Variants in GFRAL observed in about 807,000 individuals in gnomAD.
GFRAL encodes the protein GDNF family receptor alpha like.
In GFRAL, 36 loss-of-function variants were observed where a neutral mutation model predicts 45.4. The observed-to-expected ratio is 0.79, with a 90% CI of 0.61 to 1.05. GFRAL has a LOEUF of 1.05. Among genes scored for constraint, GFRAL ranks in the 50% least tolerant of loss-of-function variants. The pLI, the probability that GFRAL is intolerant of heterozygous loss-of-function variation, is 0.00. For synonymous variants in GFRAL, 166 were observed against 154.1 expected, an observed-to-expected ratio of 1.08 and a Z score of -0.57; for missense variants, 507 against 467.5, an observed-to-expected ratio of 1.08 and a Z score of -0.78.
intron 3 of GFRAL, among the ~76,000 whole-genome samples, chr6:55,340,466 T>C (rs1298800283): frequency 1.3e-5 from 2 of 152,192 alleles, no homozygotes; most frequent in Admixed American, 6.5e-5. Flanking sequence ...TATCCATTAA[T>C]AAAATATTTA....
intron 6 of GFRAL, among the ~76,000 whole-genome samples, chr6:55,373,692 A>T (rs1400133548): frequency 1.3e-5 from 2 of 152,160 alleles, no homozygotes; most frequent in Non-Finnish European, 2.9e-5. Flanking sequence ...CAATTTATTT[A>T]ACTTAGAAAT....
intron 3 of GFRAL, 115 bp from the exon 4 acceptor site, chr6:55,349,977 T>C (rs1768094463): frequency 2.9e-6 from 2 of 693,526 alleles, no homozygotes; most frequent in Admixed American, 4.3e-5. Context: ...TAACCTTGTA[T>C]GTACTTTTGC....
At chr6:55,396,876 C>CT (rs369457794) in intron 6 of GFRAL, among the ~76,000 whole-genome samples, 4,675 of 127,810 alleles carry the variant, frequency 0.037, 131 homozygotes, top group African/African-American at 0.07. Flanking sequence ...AAGGGGGAAG[C>CT]TTTTTTTTTT....
chr6:55,363,887 G>T (rs867628643), intron 6 of GFRAL, among the ~76,000 whole-genome samples: 2 of 151,052 alleles, frequency 1.3e-5, no homozygotes, highest in Non-Finnish European at 2.9e-5. Context: ...GAATAATGTC[G>T]CAATAAACAT....
chr6:55,329,859 AG>A lies in GFRAL; in HGVS notation c.23-1855del, dbSNP rs374657832. On this transcript the variant is annotated intron_variant, in intron 1 of 8. Coordinates refer to ENST00000340465, the MANE Select transcript of GFRAL (RefSeq NM_207410.2). Reference sequence around the variant, plus strand: ...CAAAGAGGTAAGATTTAAAAAAAAAAGAGAGATTTCAAGCCCTTACTTGAAG... The same window carrying A: ...CAAAGAGGTAAGATTTAAAAAAAAAAAGAGATTTCAAGCCCTTACTTGAAG... Among the ~76,000 whole-genome samples the A allele has an allele frequency of 2.8e-4, 42 of 152,124 alleles. 1 individual carries two copies. The South Asian group carries it at 4.4e-3, about 16-fold the overall frequency.
intron 3 of GFRAL, among the ~76,000 whole-genome samples, chr6:55,344,304 A>T (rs994758527): frequency 6.6e-6 from 1 of 152,182 alleles, no homozygotes; most frequent in African/African-American, 2.4e-5. Context: ...ATACTGGCAA[A>T]CCGAATCCAG....
intron 6 of GFRAL, among the ~76,000 whole-genome samples, chr6:55,397,396 T>C (rs1278018753): frequency 6.8e-6 from 1 of 147,142 alleles, no homozygotes; most frequent in Non-Finnish European, 1.5e-5. Context: ...CGGGCGCCTG[T>C]AGTCCCAGCT....
intron 3 of GFRAL, among the ~76,000 whole-genome samples, chr6:55,344,032 A>T (rs73436852): frequency 0.25 from 38,197 of 151,972 alleles, 5,187 homozygotes; most frequent in Middle Eastern, 0.44. Context: ...TCTGAAATTA[A>T]GGCAGTAATT....
chr6:55,344,709 A>G (rs887243341), intron 3 of GFRAL, among the ~76,000 whole-genome samples: 2 of 152,154 alleles, frequency 1.3e-5, no homozygotes, highest in African/African-American at 2.4e-5. Context: ...GGCAGGAGAA[A>G]GAAATAAAGG....
chr6:55,343,282 G>T (rs1767994842), intron 3 of GFRAL, among the ~76,000 whole-genome samples: 1 of 152,116 alleles, frequency 6.6e-6, no homozygotes, highest in South Asian at 2.1e-4. Context: ...TGGAAGTAAA[G>T]CACTCCTTGG....
chr6:55,330,303 T>A (rs1476565311), intron 1 of GFRAL, among the ~76,000 whole-genome samples: 1 of 152,150 alleles, frequency 6.6e-6, no homozygotes, highest in East Asian at 1.9e-4. Context: ...TGCATCACTG[T>A]GTTTGGTGAC....
intron 3 of GFRAL, among the ~76,000 whole-genome samples, chr6:55,340,454 T>C (rs929755153): frequency 2.6e-5 from 4 of 152,248 alleles, no homozygotes; most frequent in African/African-American, 9.6e-5. Context: ...ATCTCCATGA[T>C]GTATCCATTA....
intron 6 of GFRAL, among the ~76,000 whole-genome samples, chr6:55,380,226 T>C (rs1196141919): frequency 6.6e-6 from 1 of 151,960 alleles, no homozygotes; most frequent in African/African-American, 2.4e-5. Context: ...GCTGCCCTAA[T>C]TTATTTCCAC....
intron 8 of GFRAL, among the ~76,000 whole-genome samples, chr6:55,401,381 GA>G (rs1768894085): frequency 6.6e-6 from 1 of 152,106 alleles, no homozygotes; most frequent in African/African-American, 2.4e-5. Flanking sequence ...GCTCCCTAAA[GA>G]AAGAAGAATG....
chr6:55,334,931 T>C (rs1767873290), intron 3 of GFRAL, among the ~76,000 whole-genome samples: 1 of 152,196 alleles, frequency 6.6e-6, no homozygotes, highest in African/African-American at 2.4e-5. Flanking sequence ...CCATTCATTA[T>C]CGAAAGTAAA....
At chr6:55,334,854 T>C (rs1053727046) in intron 3 of GFRAL, among the ~76,000 whole-genome samples, 3 of 152,236 alleles carry the variant, frequency 2.0e-5, no homozygotes, top group African/African-American at 7.2e-5. Flanking sequence ...CATTAATTTT[T>C]CTCATGTGTA....
At chr6:55,337,429 T>A (rs773838230) in intron 3 of GFRAL, among the ~76,000 whole-genome samples, 1 of 152,202 alleles carries the variant, frequency 6.6e-6, no homozygotes, top group Non-Finnish European at 1.5e-5. Flanking sequence ...TAAAATCAAC[T>A]GGGAAGTATT....
rs1332615559 is a variant in GFRAL, at chr6:55,359,054, C to A, written c.868C>A (p.Gln290Lys). ...TATCCTTGGGACGGTCCTTCAAGTG[C>A]AATGTACCTGTAGGACCATTACACA... is the stretch of plus-strand genomic sequence containing the variant. ...IDILGTVLQV[Q>K]CTCRTITQSE... Residue 290 changes from glutamine (Q) to lysine (K), a missense_variant, in exon 6 of 9, where the codon CAA becomes AAA. Physicochemically the swap from Gln to Lys is moderately conservative, Grantham distance 53. Transcript: ENST00000340465. 6.2e-7 allele frequency: 1 copy of A among 1,612,268 alleles called. No individual in the cohort carries two copies. The highest frequency in any genetic ancestry group is 2.2e-5 in the East Asian group (1 of 44,834).
At chr6:55,388,319 A>C (rs1379272386) in intron 6 of GFRAL, among the ~76,000 whole-genome samples, 1 of 152,206 alleles carries the variant, frequency 6.6e-6, no homozygotes, top group African/African-American at 2.4e-5. Flanking sequence ...ATCTGAAACA[A>C]GAAAAGCCAC....
Sources: allele counts gnomAD v4.1 joint callset (sites outside exome capture counted in the v4.1 genomes callset), GRCh38; gene constraint gnomAD v4.1.1; transcripts MANE v1.5; gene names NCBI Gene and HGNC (gene_info 2026-07-23, HGNC 2026-07-21).